POLDIP3: variants seen among roughly 807,000 people sequenced by gnomAD.
POLDIP3 encodes the protein DNA polymerase delta interacting protein 3.
POLDIP3 carries 14 observed loss-of-function variants against 45.1 expected under a neutral mutation model. That is an observed-to-expected ratio of 0.31 (90% CI 0.20 to 0.49). The LOEUF (loss-of-function observed/expected upper bound fraction) is 0.49. POLDIP3 is among the 20% of genes least tolerant of loss of function. POLDIP3 has a pLI of 0.99. For missense variants in POLDIP3, 511 were observed against 538.8 expected, an observed-to-expected ratio of 0.95 and a Z score of 0.51; for synonymous variants, 223 against 205.2, an observed-to-expected ratio of 1.09 and a Z score of -0.74.
chr22:42,612,140 C>G (rs1260221373), intron 1 of POLDIP3, among the ~76,000 whole-genome samples: 1 of 152,182 alleles, frequency 6.6e-6, no homozygotes, highest in East Asian at 1.9e-4. Context: ...GAAATATTTT[C>G]AAGCTAAAAA....
chr22:42,595,471 G>A (rs1224459195), intron 6 of POLDIP3, 66 bp downstream of exon 6: 3 of 1,434,494 alleles, frequency 2.1e-6, no homozygotes, highest in Admixed American at 1.7e-5. Flanking sequence ...CTGAGGGTGG[G>A]TCTTAAGAGA....
At chr22:42,592,159 G>A in intron 6 of POLDIP3, 75 bp from the exon 7 acceptor site, 1 of 1,584,036 alleles carries the variant, frequency 6.3e-7, no homozygotes, top group Non-Finnish European at 8.6e-7. Flanking sequence ...TGAAGGCCCT[G>A]GGGTGTGGTG....
chr22:42,587,874 T>A (rs969388136), intron 7 of POLDIP3, among the ~76,000 whole-genome samples: 5 of 152,006 alleles, frequency 3.3e-5, no homozygotes, highest in African/African-American at 9.7e-5. Flanking sequence ...ATCCAAGTAG[T>A]AAGGGAAAAG....
Position 42,608,679 on chromosome 22 carries a change from G to T in POLDIP3, c.60-5519C>A, listed in dbSNP as rs146364329. 4.6e-5 allele frequency among the ~76,000 whole-genome samples: 7 copies of T among 152,120 alleles called. No homozygotes were observed. The South Asian group carries it at 1.5e-3, about 32-fold the overall frequency. On this transcript the variant is annotated intron_variant, in intron 1 of 8. Coordinates refer to ENST00000252115, the MANE Select transcript of POLDIP3 (RefSeq NM_032311.5). ...GCAGCGAGGCGAGCGGGTGGTGCACGCACTGAGAACTCGCATACCACAATG... is the reference window on the plus strand; with the variant it reads ...GCAGCGAGGCGAGCGGGTGGTGCACTCACTGAGAACTCGCATACCACAATG...
chr22:42,594,901 G>A (rs765370742), intron 6 of POLDIP3, among the ~76,000 whole-genome samples: 2 of 152,208 alleles, frequency 1.3e-5, no homozygotes, highest in Non-Finnish European at 2.9e-5. Flanking sequence ...TGGGACTAAA[G>A]GATCCCATTT....
intron 7 of POLDIP3, among the ~76,000 whole-genome samples, chr22:42,591,611 G>T (rs1181934310): frequency 6.6e-6 from 1 of 152,198 alleles, no homozygotes; most frequent in East Asian, 1.9e-4. Context: ...CAAAACTCCA[G>T]GGCTGGGAGG....
intron 6 of POLDIP3, among the ~76,000 whole-genome samples, chr22:42,593,272 G>A (rs1187820888): frequency 1.3e-5 from 2 of 152,152 alleles, no homozygotes; most frequent in Non-Finnish European, 2.9e-5. Flanking sequence ...ATGCAGAACC[G>A]ACAGATATGG....
intron 8 of POLDIP3, 95 bp downstream of exon 8, chr22:42,587,411 G>C (rs536611262): frequency 6.4e-6 from 8 of 1,245,088 alleles, no homozygotes; most frequent in African/African-American, 3.0e-5. Flanking sequence ...GGAATGGGGG[G>C]ATGAAGGGGA....
At position 42,587,552 on chromosome 22, in the gene POLDIP3, G is replaced by A; in HGVS notation, c.1042C>T (p.Leu348Phe). The change falls in exon 8 of 9, where the codon CTT becomes TTT. Residue 348 changes from leucine (L) to phenylalanine (F), a missense_variant. This residue lies in a region of POLDIP3 where 66 missense variants were observed against 118.1 expected (regional missense o/e 0.56). Transcript: ENST00000252115. ...GTGATAACATTCCCATTCATGTGAA[G>A]GTTGCACTTCATCGGCTGCCCTGAA... ...CLDGQPMKCN[L>F]HMNGNVITSD... The A allele has an allele frequency of 6.2e-7, 1 of 1,614,100 alleles. No individual in the cohort carries two copies. The highest frequency in any genetic ancestry group is 2.2e-5 in the East Asian group (1 of 44,884).
At chr22:42,598,193 C>T (rs1029647052) in intron 4 of POLDIP3, among the ~76,000 whole-genome samples, 12 of 151,772 alleles carry the variant, frequency 7.9e-5, no homozygotes, top group Admixed American at 3.3e-4. Flanking sequence ...CACCATTCTC[C>T]TGCCTCAGCC....
chr22:42,588,642 T>C lies in POLDIP3; in HGVS notation c.1022-1070A>G, dbSNP rs1925471729. Among the ~76,000 whole-genome samples, 6 of 151,216 alleles carry C rather than the reference T, an allele frequency of 4.0e-5. No individual in the cohort carries two copies. In the South Asian group the frequency reaches 1.3e-3, roughly 32 times the overall value. Reference sequence around the variant, plus strand: ...TTTTTCTTTCTTTCTTTTTTTTTTTTTTTGAGATGGAGTTTCGCTCTTATT... The same window carrying C: ...TTTTTCTTTCTTTCTTTTTTTTTTTCTTTGAGATGGAGTTTCGCTCTTATT... On this transcript the variant is annotated intron_variant, in intron 7 of 8. Coordinates refer to ENST00000252115, the MANE Select transcript of POLDIP3 (RefSeq NM_032311.5).
intron 7 of POLDIP3, among the ~76,000 whole-genome samples, chr22:42,588,798 T>C (rs887902718): frequency 6.6e-6 from 1 of 152,098 alleles, no homozygotes; most frequent in South Asian, 2.1e-4. Flanking sequence ...CTGGCTAATT[T>C]TGTATTTTTA....
intron 1 of POLDIP3, among the ~76,000 whole-genome samples, chr22:42,605,016 A>C (rs1926630027): frequency 6.6e-6 from 1 of 152,208 alleles, no homozygotes; most frequent in Non-Finnish European, 1.5e-5. Context: ...ACTCAGCAAA[A>C]AGACCATCTA....
At position 42,606,686 on chromosome 22, in the gene POLDIP3, G is replaced by A. The variant is rs552755947; in HGVS notation, c.60-3526C>T. On this transcript the variant is annotated intron_variant, in intron 1 of 8. Transcript: ENST00000252115. The stretch of plus-strand genomic sequence containing the variant: ...ATTCTGCTGCTCAGGATGGAGTGCA[G>A]TGATCATAGCTCACTACAGCCTTGA... Among the ~76,000 whole-genome samples, 5 of 152,328 alleles carry A rather than the reference G, an allele frequency of 3.3e-5. No individual in the cohort carries two copies. The South Asian group carries it at 1.0e-3, about 32-fold the overall frequency.
chr22:42,603,752 C>G (rs1437966010), intron 1 of POLDIP3: 2 of 152,168 alleles, frequency 1.3e-5, no homozygotes, highest in African/African-American at 4.8e-5. Flanking sequence ...AACACAAAGA[C>G]TTGGTAGGAA....
intron 1 of POLDIP3, among the ~76,000 whole-genome samples, chr22:42,611,482 T>C (rs1414480538): frequency 6.6e-6 from 1 of 152,146 alleles, no homozygotes; most frequent in Non-Finnish European, 1.5e-5. Context: ...AGCTGGATCT[T>C]TGGCTATTTC....
At position 42,606,333 on chromosome 22, in the gene POLDIP3, C is replaced by G. The variant is rs969302539; in HGVS notation, c.60-3173G>C. Among the ~76,000 whole-genome samples the G allele has an allele frequency of 1.3e-3, 192 of 151,814 alleles. 1 individual carries two copies. Among genetic ancestry groups the G allele is most frequent in the African/African-American group, 4.5e-3 (188 of 41,354 alleles). On this transcript the variant is annotated intron_variant, in intron 1 of 8. Transcript: ENST00000252115. ...CCCAGGAGATCGAGAACAGCACGGG[C>G]AACATAGCGAGACTCCCTGGGCATG...
chr22:42,605,753 T>C (rs1300223935), intron 1 of POLDIP3, among the ~76,000 whole-genome samples: 1 of 152,132 alleles, frequency 6.6e-6, no homozygotes, highest in East Asian at 1.9e-4. Context: ...GTAGATGGCA[T>C]CCACCCTCCC....
chr22:42,585,099 G>C lies in POLDIP3; in HGVS notation c.*692C>G, dbSNP rs533859769. ...GGCATTCAGCACAACTCAAGGAAAA[G>C]GGAAAGGTGAACTCTGGAGAACTTC... On this transcript the variant is annotated 3_prime_UTR_variant, in exon 9 of 9. Transcript: ENST00000252115. 2 of 440,124 alleles carry C rather than the reference G, an allele frequency of 4.5e-6. No homozygotes were observed. Among genetic ancestry groups the C allele is most frequent in the Admixed American group, 2.5e-5 (1 of 39,376 alleles). The allele number at this position is 440,124 out of a possible 1,614,324, so 27.3% of individuals were successfully genotyped here.
Sources: gnomAD v4.1 joint callset for allele counts (sites outside exome capture counted in the v4.1 genomes callset) on GRCh38, gnomAD v4.1.1 for gene constraint, gnomAD v4.1.1 regional missense constraint, MANE v1.5 for transcripts, NCBI Gene and HGNC (gene_info 2026-07-23, HGNC 2026-07-21) for gene names.